Variants in MEI4 observed in about 807,000 individuals in gnomAD.
MEI4 encodes the protein meiosis-specific protein MEI4.
MEI4 carries 27 observed loss-of-function variants against 31.4 expected under a neutral mutation model. That is an observed-to-expected ratio of 0.86 (90% CI 0.63 to 1.19). MEI4 has a LOEUF of 1.19. Ranked by LOEUF, MEI4 falls within the 50% of genes most tolerant of loss-of-function variation. The pLI is 0.00. For missense variants in MEI4, 329 were observed against 398.9 expected (o/e 0.82, Z 1.49); for synonymous variants, 122 against 145.4 (o/e 0.84, Z 1.16).
intron 2 of MEI4, among the ~76,000 whole-genome samples, chr6:77,729,417 A>G (rs1766913842): frequency 6.6e-6 from 1 of 152,238 alleles, no homozygotes; most frequent in Non-Finnish European, 1.5e-5. Flanking sequence ...AAAAGATAGT[A>G]GTATCTGGGT....
chr6:77,700,585 G>T (rs572675545), intron 2 of MEI4, among the ~76,000 whole-genome samples: 14 of 152,334 alleles, frequency 9.2e-5, no homozygotes, highest in Non-Finnish European at 1.5e-4. Flanking sequence ...CACATACGGT[G>T]TGCTGCACCC....
chr6:77,743,260 A>T (rs1767470683), intron 2 of MEI4, among the ~76,000 whole-genome samples: 1 of 152,132 alleles, frequency 6.6e-6, no homozygotes, highest in African/African-American at 2.4e-5. Context: ...TGAGCATGGA[A>T]TGTTCTTCCA....
At chr6:77,677,622 T>C (rs149721570) in intron 1 of MEI4, among the ~76,000 whole-genome samples, 1,936 of 152,314 alleles carry the variant, frequency 0.013, 22 homozygotes, top group Non-Finnish European at 0.02. Flanking sequence ...TTCTGTTAAA[T>C]GGCCTCTCAG....
intron 3 of MEI4, among the ~76,000 whole-genome samples, chr6:77,792,134 T>A (rs924388131): frequency 5.3e-5 from 8 of 152,182 alleles, no homozygotes; most frequent in African/African-American, 1.9e-4. Context: ...TGTTCTTTTT[T>A]AAAGGATGAA....
chr6:77,814,061 C>T (rs958791050), intron 3 of MEI4, among the ~76,000 whole-genome samples: 11 of 152,168 alleles, frequency 7.2e-5, no homozygotes, highest in African/African-American at 2.6e-4. Flanking sequence ...TATACACCTC[C>T]AATCAAAGTT....
rs1769141752 is a variant in MEI4, at chr6:77,690,681, C to T, written c.10C>T (p.Gln4Ter). Residue 4 changes from glutamine to a stop codon, truncating the protein, a stop_gained, in exon 2 of 5, where the codon CAA becomes TAA. Transcript: ENST00000684080. LOFTEE classifies it high-confidence loss of function. ...AGGGACAAAAGCCAGGATGGATGTTCAAAAATGGTATTTGAGAACTTCAAA... is the reference window on the plus strand; with the variant it reads ...AGGGACAAAAGCCAGGATGGATGTTTAAAAATGGTATTTGAGAACTTCAAA... MDV[Q>*]KWYLRTSKLA... is the part of the protein sequence containing the mutation. 1 of 1,230,798 alleles carries T rather than the reference C, an allele frequency of 8.1e-7. No homozygotes were observed. The highest frequency in any genetic ancestry group is 1.0e-6 in the Non-Finnish European group (1 of 986,914). The allele number at this position is 1,230,798 out of a possible 1,614,324, so 76.2% of individuals were successfully genotyped here. A position where few individuals can be genotyped will look rare whatever the true frequency, so the allele number is the denominator to read the frequency against.
chr6:77,833,661 C>T (rs565871678), intron 4 of MEI4, among the ~76,000 whole-genome samples: 5 of 152,172 alleles, frequency 3.3e-5, no homozygotes, highest in Admixed American at 2.0e-4. Context: ...GACACATGTG[C>T]TGAACATGAA....
intron 3 of MEI4, among the ~76,000 whole-genome samples, chr6:77,802,221 G>A (rs182361779): frequency 3.9e-5 from 6 of 152,272 alleles, no homozygotes; most frequent in Admixed American, 2.0e-4. Context: ...TTACCCTTAT[G>A]TAATGGCCTT....
intron 3 of MEI4, among the ~76,000 whole-genome samples, chr6:77,795,273 C>G (rs2127697708): frequency 6.6e-6 from 1 of 152,260 alleles, no homozygotes; most frequent in Middle Eastern, 3.4e-3. Flanking sequence ...AAATCTCTGA[C>G]TTCACTGTCA....
chr6:77,865,823 A>G (rs1716669900), intron 4 of MEI4, among the ~76,000 whole-genome samples: 1 of 152,210 alleles, frequency 6.6e-6, no homozygotes, highest in Non-Finnish European at 1.5e-5. Flanking sequence ...TGATGCAAAA[A>G]TCCTCAATAA....
intron 4 of MEI4, among the ~76,000 whole-genome samples, chr6:77,885,077 G>A (rs1403941506): frequency 6.8e-6 from 1 of 147,682 alleles, no homozygotes; most frequent in Non-Finnish European, 1.5e-5. Context: ...CACCTCTATG[G>A]TTAGATTTAT....
Position 77,830,984 on chromosome 6 carries a change from A to G in MEI4, c.900+1922A>G, listed in dbSNP as rs569910204. Among the ~76,000 whole-genome samples the G allele has an allele frequency of 7.9e-5, 12 of 152,126 alleles. No homozygotes were observed. In the South Asian group the frequency reaches 2.5e-3, roughly 32 times the overall value. On this transcript the variant is annotated intron_variant, in intron 4 of 4. Transcript: ENST00000684080. Reference sequence around the variant, plus strand: ...AGAGACAACCCACAAAATGGAAGAAAATATTTGCAAACTAGCTATCTGACA... The same window carrying G: ...AGAGACAACCCACAAAATGGAAGAAGATATTTGCAAACTAGCTATCTGACA...
At chr6:77,822,425 G>C (rs1769847930) in intron 3 of MEI4, among the ~76,000 whole-genome samples, 1 of 152,046 alleles carries the variant, frequency 6.6e-6, no homozygotes, top group Non-Finnish European at 1.5e-5. Context: ...AACCAGTTTT[G>C]TGTCTAACGT....
Position 77,761,118 on chromosome 6 carries a change from T to G in MEI4, c.233-12T>G. ...TGCATGAAGATAATCCTTCTATTCC[T>G]TTATTTTTCAGGATACGTTTCCTCC... On this transcript the variant is annotated splice_polypyrimidine_tract_variant and intron_variant, in intron 2 of 4. Transcript: ENST00000684080. 2 of 1,231,574 alleles carry G rather than the reference T, an allele frequency of 1.6e-6. No individual in the cohort carries two copies. Among genetic ancestry groups the G allele is most frequent in the Non-Finnish European group, 2.0e-6 (2 of 987,484 alleles). 76.3% of individuals were successfully genotyped at this position (1,231,574 alleles called of 1,614,324 possible).
intron 3 of MEI4, among the ~76,000 whole-genome samples, chr6:77,795,449 C>T (rs541420274): frequency 3.9e-4 from 59 of 152,168 alleles, no homozygotes; most frequent in African/African-American, 1.4e-3. Flanking sequence ...GCTTAAATCA[C>T]ACACACACGT....
chr6:77,905,839 AT>A (rs1766285442), intron 4 of MEI4, among the ~76,000 whole-genome samples: 5 of 145,900 alleles, frequency 3.4e-5, no homozygotes, highest in South Asian at 2.2e-4. Context: ...GTCCCTTTAT[AT>A]TTTTTTCTCT....
At chr6:77,691,561 T>G (rs1202045250) in intron 2 of MEI4, among the ~76,000 whole-genome samples, 1 of 152,024 alleles carries the variant, frequency 6.6e-6, no homozygotes, top group East Asian at 1.9e-4. Context: ...AATACTGCCA[T>G]CATTACATTT....
intron 3 of MEI4, among the ~76,000 whole-genome samples, chr6:77,800,600 C>G (rs1769224984): frequency 1.3e-5 from 2 of 152,138 alleles, no homozygotes; most frequent in Admixed American, 1.3e-4. Flanking sequence ...CCAGTTTTTG[C>G]CCATTCAGTA....
At chr6:77,690,170 G>A (rs1459185112) in intron 1 of MEI4, among the ~76,000 whole-genome samples, 3 of 151,938 alleles carry the variant, frequency 2.0e-5, no homozygotes, top group African/African-American at 4.8e-5. Flanking sequence ...GGTTCATTAA[G>A]GAATGCAAGA....
Sources: gnomAD v4.1 joint callset for allele counts (sites outside exome capture counted in the v4.1 genomes callset) on GRCh38, gnomAD v4.1.1 for gene constraint, MANE v1.5 for transcripts, NCBI Gene and HGNC (gene_info 2026-07-23, HGNC 2026-07-21) for gene names.